PIEZO2: variants seen among roughly 807,000 people sequenced by gnomAD.
PIEZO2 encodes the protein piezo type mechanosensitive ion channel component 2.
Under a neutral mutation model 337.3 loss-of-function variants are expected in PIEZO2, and 172 were observed. That is an observed-to-expected ratio of 0.51 (90% CI 0.45 to 0.58). The LOEUF (loss-of-function observed/expected upper bound fraction) is 0.58, where lower values mean the gene tolerates loss of function less well. PIEZO2 is among the 20% of genes least tolerant of loss of function. The probability of loss-of-function intolerance (pLI) is 0.00; values close to 1 mark genes in which losing one functional copy is unlikely to be tolerated. For missense variants in PIEZO2, 3,028 were observed against 3,391.3 expected, an observed-to-expected ratio of 0.89 and a Z score of 2.66; for synonymous variants, 1,251 against 1,228.5, an observed-to-expected ratio of 1.02 and a Z score of -0.38.
At chr18:11,049,096 A>G (rs761446117) in intron 2 of PIEZO2, among the ~76,000 whole-genome samples, 7 of 152,204 alleles carry the variant, frequency 4.6e-5, no homozygotes, top group Non-Finnish European at 7.3e-5. Flanking sequence ...CTACAGGTAA[A>G]CACCTTTAAA....
chr18:10,787,502 G>A (rs1249571230), intron 15 of PIEZO2, among the ~76,000 whole-genome samples: 1 of 152,188 alleles, frequency 6.6e-6, no homozygotes, highest in Non-Finnish European at 1.5e-5. Flanking sequence ...GCCCATAGGG[G>A]GCGCTCAAGG....
At chr18:10,960,528 A>G (rs1163120644) in intron 3 of PIEZO2, among the ~76,000 whole-genome samples, 2 of 151,762 alleles carry the variant, frequency 1.3e-5, no homozygotes, top group Non-Finnish European at 2.9e-5. Context: ...ATAGAGTTGC[A>G]GCAACTACAC....
chr18:10,864,865 T>A, intron 5 of PIEZO2, among the ~76,000 whole-genome samples: 1 of 152,066 alleles, frequency 6.6e-6, no homozygotes, highest in African/African-American at 2.4e-5. Flanking sequence ...GAAGAGCATC[T>A]GTGCAAGAGT....
At chr18:10,688,104 G>A (rs1411654994) in intron 49 of PIEZO2, among the ~76,000 whole-genome samples, 1 of 152,102 alleles carries the variant, frequency 6.6e-6, no homozygotes, top group Non-Finnish European at 1.5e-5. Context: ...GCATCATCTA[G>A]GTTTTAAGCC....
chr18:11,148,492 C>T lies in PIEZO2; in HGVS notation c.64+33G>A. 1 of 1,536,556 alleles carries T rather than the reference C, an allele frequency of 6.5e-7. No homozygotes were observed. Among genetic ancestry groups the T allele is most frequent in the Non-Finnish European group, 8.7e-7 (1 of 1,146,320 alleles). ...CCACCCAGGCGCCCCCCTCGTCCTC[C>T]TCAAGTGCCCTCGGAAAGCGGACCA... On this transcript the variant is annotated intron_variant, in intron 1 of 55. Coordinates refer to ENST00000674853, the MANE Select transcript of PIEZO2 (RefSeq NM_001378183.1). This position sits in a 1 kb window ranked among gnomAD's most constrained non-coding sequence, Gnocchi z 5.2.
chr18:10,939,858 A>G (rs2032625825), intron 3 of PIEZO2, among the ~76,000 whole-genome samples: 1 of 152,178 alleles, frequency 6.6e-6, no homozygotes, highest in African/African-American at 2.4e-5. Context: ...TAGGCGCAGC[A>G]AACCACCACG....
At chr18:11,087,573 C>G (rs2038951836) in intron 1 of PIEZO2, among the ~76,000 whole-genome samples, 1 of 152,208 alleles carries the variant, frequency 6.6e-6, no homozygotes, top group African/African-American at 2.4e-5. Flanking sequence ...GCTTTAAGCT[C>G]TGGTGTTTCC....
chr18:11,049,518 C>T (rs1017032708), intron 2 of PIEZO2, among the ~76,000 whole-genome samples: 29 of 152,188 alleles, frequency 1.9e-4, no homozygotes, highest in African/African-American at 6.3e-4. Flanking sequence ...ACTGTAATAA[C>T]AGGGCAGCAT....
intron 49 of PIEZO2, among the ~76,000 whole-genome samples, chr18:10,689,344 A>T (rs1179955487): frequency 6.6e-6 from 1 of 152,210 alleles, no homozygotes; most frequent in Admixed American, 6.5e-5. Context: ...TCTCTATAAC[A>T]TCACATTCCT....
At chr18:10,963,558 A>T (rs1427982870) in intron 3 of PIEZO2, among the ~76,000 whole-genome samples, 1 of 152,242 alleles carries the variant, frequency 6.6e-6, no homozygotes, top group Non-Finnish European at 1.5e-5. Flanking sequence ...CACTTTCTGC[A>T]TTTATCTTCT....
chr18:11,037,188 T>A (rs2036954753), intron 2 of PIEZO2, among the ~76,000 whole-genome samples: 1 of 152,154 alleles, frequency 6.6e-6, no homozygotes, highest in South Asian at 2.1e-4. Context: ...TCAGAACTTT[T>A]TAAAGCATCC....
intron 44 of PIEZO2, among the ~76,000 whole-genome samples, chr18:10,698,643 G>T (rs1301823254): frequency 6.6e-6 from 1 of 152,192 alleles, no homozygotes; most frequent in Non-Finnish European, 1.5e-5. Flanking sequence ...ATTATCATGA[G>T]CCTGGCGTTT....
chr18:11,066,307 C>G, intron 1 of PIEZO2, 85 bp from the exon 2 acceptor site: 3 of 984,844 alleles, frequency 3.0e-6, no homozygotes, highest in Non-Finnish European at 4.6e-6. Context: ...AAAAGATGGT[C>G]TCAGATGTCA....
In PIEZO2 at chr18:10,713,937, T is replaced by C. The variant is rs945173359; in HGVS notation, c.5423+827A>G. Among the ~76,000 whole-genome samples, 2 of 152,120 alleles carry C rather than the reference T, an allele frequency of 1.3e-5. No individual in the cohort carries two copies. Among genetic ancestry groups the C allele is most frequent in the African/African-American group, 2.4e-5 (1 of 41,428 alleles). On this transcript the variant is annotated intron_variant, in intron 39 of 55. Transcript: ENST00000674853. The surrounding 1 kb of genome is among the most constrained non-coding windows in gnomAD (Gnocchi z 4.5). ...ATCTAGAACACTGTGATGCAAAGAA[T>C]TCTGAGGCTTTTCTGGGACAGGCAG... is the stretch of plus-strand genomic sequence containing the variant.
In PIEZO2 at chr18:10,943,299, C is replaced by T. The variant is rs953090529; in HGVS notation, c.287-32071G>A. ...TGTGCCTGGAAAAGCCGCAGACACT[C>T]AACTCCAACCAGTGAAAGCAGCCAA... On this transcript the variant is annotated intron_variant, in intron 3 of 55. Transcript: ENST00000674853. This position sits in a 1 kb window ranked among gnomAD's most constrained non-coding sequence, Gnocchi z 4.5. Among the ~76,000 whole-genome samples, 2 of 152,222 alleles carry T rather than the reference C, an allele frequency of 1.3e-5. No individual in the cohort carries two copies. Among genetic ancestry groups the T allele is most frequent in the Non-Finnish European group, 2.9e-5 (2 of 68,026 alleles).
Position 11,127,693 on chromosome 18 carries a change from T to C in PIEZO2, c.64+20832A>G, listed in dbSNP as rs768819206. 1.6e-4 allele frequency among the ~76,000 whole-genome samples: 24 copies of C among 151,598 alleles called. No homozygotes were observed. Among genetic ancestry groups the C allele is most frequent in the Non-Finnish European group, 2.8e-4 (19 of 67,976 alleles). On this transcript the variant is annotated intron_variant, in intron 1 of 55. Coordinates refer to ENST00000674853, the MANE Select transcript of PIEZO2 (RefSeq NM_001378183.1). This position sits in a 1 kb window ranked among gnomAD's most constrained non-coding sequence, Gnocchi z 4.5. The stretch of plus-strand genomic sequence containing the variant: ...CTTAATAAACTCCCCTTTATATATA[T>C]ATACATATATATGTCATGTATATAT...
chr18:10,711,164 G>C (rs1202806094), intron 39 of PIEZO2, among the ~76,000 whole-genome samples: 2 of 152,142 alleles, frequency 1.3e-5, no homozygotes, highest in Non-Finnish European at 1.5e-5. Flanking sequence ...AGATTTAAAG[G>C]CAGTTACTTG....
chr18:10,867,824 G>T (rs1399299737), intron 5 of PIEZO2, among the ~76,000 whole-genome samples: 1 of 152,176 alleles, frequency 6.6e-6, no homozygotes, highest in African/African-American at 2.4e-5. Flanking sequence ...TAAGATTTCA[G>T]ATCAGGAAAC....
rs2037508479 is a variant in PIEZO2 at position 10,748,344 on chromosome 18, G to A, written c.4424+127C>T. 1.1e-6 allele frequency: 1 copy of A among 924,864 alleles called. No homozygotes were observed. The highest frequency in any genetic ancestry group is 1.6e-6 in the Non-Finnish European group (1 of 627,522). The allele number at this position is 924,864 out of a possible 1,614,324, so 57.3% of individuals were successfully genotyped here. On this transcript the variant is annotated intron_variant, in intron 30 of 55. Coordinates refer to ENST00000674853, the MANE Select transcript of PIEZO2 (RefSeq NM_001378183.1). The surrounding 1 kb of genome is among the most constrained non-coding windows in gnomAD (Gnocchi z 5.1). ...CTTGTGCTAAATTCTTCTTGGATTG[G>A]TTTTGCTGGAAGGGATTTCTTAACT... is the stretch of plus-strand genomic sequence containing the variant.
Sources: allele counts gnomAD v4.1 joint callset (sites outside exome capture counted in the v4.1 genomes callset), GRCh38; gene constraint gnomAD v4.1.1; non-coding constraint Gnocchi (gnomAD v3.1); transcripts MANE v1.5; gene names NCBI Gene and HGNC (gene_info 2026-07-23, HGNC 2026-07-21).